Variants in NBR1 observed in about 807,000 individuals in gnomAD.
The protein encoded by NBR1 is NBR1 autophagy cargo receptor, also known as next to BRCA1 gene 1 protein.
NBR1 carries 59 observed loss-of-function variants against 115.5 expected under a neutral mutation model. That is an observed-to-expected ratio of 0.51 (90% CI 0.41 to 0.63). The LOEUF (loss-of-function observed/expected upper bound fraction) is 0.63, where lower values mean the gene tolerates loss of function less well. Ranked by LOEUF, NBR1 falls within the 30% of genes least tolerant of loss-of-function variation. NBR1 has a pLI of 0.00. For missense variants in NBR1, 1,043 were observed against 1,150.5 expected, an observed-to-expected ratio of 0.91 and a Z score of 1.35; for synonymous variants, 373 against 414.7, an observed-to-expected ratio of 0.90 and a Z score of 1.22.
At position 43,191,479 on chromosome 17, in the gene NBR1, A is replaced by C; in HGVS notation, c.971A>C (p.Lys324Thr). 1 of 1,613,302 alleles carries C rather than the reference A, an allele frequency of 6.2e-7. No homozygotes were observed. Among genetic ancestry groups the C allele is most frequent in the Non-Finnish European group, 8.5e-7 (1 of 1,179,584 alleles). Reference sequence around the variant, plus strand: ...GTCAAGGAACTTAAAAAGCAGCTTAAACTCCATAGGAAAATTCACCTGTGG... The same window carrying C: ...GTCAAGGAACTTAAAAAGCAGCTTACACTCCATAGGAAAATTCACCTGTGG... ...AEVKELKKQL[K>T]LHRKIHLWNS... Residue 324 changes from lysine (K) to threonine (T), a missense_variant, in exon 10 of 21, where the codon AAA (lysine) becomes ACA (threonine). Transcript: ENST00000590996.
chr17:43,182,662 AT>A (rs1224772836), intron 5 of NBR1, among the ~76,000 whole-genome samples: 1 of 151,836 alleles, frequency 6.6e-6, no homozygotes, highest in Non-Finnish European at 1.5e-5. Flanking sequence ...AAAAATGTGT[AT>A]AAAATGTGAT....
At chr17:43,173,003 T>C (rs34365396) in intron 1 of NBR1, among the ~76,000 whole-genome samples, 46,172 of 151,756 alleles carry the variant, frequency 0.3, 7,608 homozygotes, top group South Asian at 0.49. Context: ...ATTTTTTGTA[T>C]TTTTAGTAGA....
chr17:43,181,453 C>T (rs979669635), intron 5 of NBR1, among the ~76,000 whole-genome samples: 2 of 151,830 alleles, frequency 1.3e-5, no homozygotes, highest in South Asian at 2.1e-4. Flanking sequence ...GGGTGGATCA[C>T]GAGGTCAGGA....
Position 43,189,594 on chromosome 17 carries a change from G to A in NBR1, c.487G>A (p.Glu163Lys). The A allele has an allele frequency of 6.2e-7, 1 of 1,613,392 alleles. No homozygotes were observed. The highest frequency in any genetic ancestry group is 8.5e-7 in the Non-Finnish European group (1 of 1,179,454). Residue 163 changes from glutamate to lysine, a missense_variant, in exon 8 of 21, where the codon GAA becomes AAA. Glu to Lys is a moderately conservative substitution (Grantham distance 56). Coordinates refer to ENST00000590996, the MANE Select transcript of NBR1 (RefSeq NM_005899.5). ...CTTCTGCTCCATATTCTAGTTCAGA[G>A]AACAAGTGGTTAACGAAACGGTTGA... The part of the protein sequence containing the change: ...WFTSYLETFR[E>K]QVVNETVEKL...
At chr17:43,204,943 TC>T (rs2057285262) in intron 20 of NBR1, among the ~76,000 whole-genome samples, 1 of 151,762 alleles carries the variant, frequency 6.6e-6, no homozygotes, top group South Asian at 2.1e-4. Context: ...GCCACTGCAC[TC>T]CAGCTTGGGT....
intron 17 of NBR1, among the ~76,000 whole-genome samples, chr17:43,200,946 G>A (rs1430659743): frequency 7.6e-5 from 11 of 145,050 alleles, no homozygotes; most frequent in Non-Finnish European, 1.6e-4. Context: ...TTGGCTCACT[G>A]CCACCTCTGC....
chr17:43,186,771 T>C (rs1028351723), intron 6 of NBR1, among the ~76,000 whole-genome samples: 3 of 152,100 alleles, frequency 2.0e-5, no homozygotes, highest in African/African-American at 7.2e-5. Context: ...CATGCTGTGT[T>C]TGGTTTTCTG....
intron 16 of NBR1, 104 bp from the exon 17 acceptor site, chr17:43,200,063 C>A: frequency 1.1e-6 from 1 of 934,504 alleles, no homozygotes; most frequent in Non-Finnish European, 1.6e-6. Flanking sequence ...TCTCCTCTGG[C>A]TTTCATAATT....
chr17:43,206,316 C>G (rs193174071), intron 20 of NBR1, among the ~76,000 whole-genome samples: 233 of 152,186 alleles, frequency 1.5e-3, no homozygotes, highest in Admixed American at 8.8e-3. Context: ...ATGATGAGAT[C>G]TGTTTTTAGT....
At chr17:43,181,054 T>C (rs544676856) in intron 5 of NBR1, among the ~76,000 whole-genome samples, 2 of 152,234 alleles carry the variant, frequency 1.3e-5, no homozygotes, top group South Asian at 4.1e-4. Flanking sequence ...TATATTTTTC[T>C]TAGAGACAGG....
intron 20 of NBR1, chr17:43,209,636 G>A (rs1484775275): frequency 6.5e-7 from 1 of 1,535,408 alleles, no homozygotes; most frequent in Non-Finnish European, 8.7e-7. Flanking sequence ...GCATTCTCCT[G>A]GTTCTAAGTA....
chr17:43,194,938 C>T, intron 13 of NBR1, 26 bp from the exon 14 acceptor site: 1 of 1,597,116 alleles, frequency 6.3e-7, no homozygotes, highest in East Asian at 2.2e-5. Flanking sequence ...GCACTCCAAA[C>T]AGCCTAACAT....
intron 20 of NBR1, among the ~76,000 whole-genome samples, chr17:43,204,128 C>T (rs769991390): frequency 5.3e-5 from 8 of 151,806 alleles, no homozygotes; most frequent in African/African-American, 4.8e-5. Context: ...TTAGTAGAGA[C>T]GATGTTTCAC....
At chr17:43,204,050 G>A (rs1273470639) in intron 20 of NBR1, among the ~76,000 whole-genome samples, 1 of 151,176 alleles carries the variant, frequency 6.6e-6, no homozygotes, top group African/African-American at 2.4e-5. Flanking sequence ...CCATTCTCCT[G>A]ACTCAGCCTC....
intron 20 of NBR1, among the ~76,000 whole-genome samples, chr17:43,207,700 A>G (rs536852196): frequency 3.9e-5 from 6 of 152,296 alleles, no homozygotes; most frequent in African/African-American, 1.4e-4. Flanking sequence ...ACAATACCCA[A>G]TACAATGTAA....
intron 2 of NBR1, 85 bp from the exon 3 acceptor site, chr17:43,177,851 G>C (rs1321141861): frequency 8.3e-7 from 1 of 1,204,578 alleles, no homozygotes; most frequent in East Asian, 2.8e-5. Flanking sequence ...GTTGTTTGTT[G>C]TTTGTCTTTT....
At chr17:43,189,269 G>A (rs756485564) in intron 7 of NBR1, 150 bp downstream of exon 7, 20 of 661,930 alleles carry the variant, frequency 3.0e-5, no homozygotes, top group Non-Finnish European at 4.9e-5. Flanking sequence ...AGTTCCAGTC[G>A]AGAAAGCTCT....
Position 43,201,737 on chromosome 17 carries a change from T to TA in NBR1, c.2521dup (p.Thr841AsnfsTer10). 1 of 1,609,640 alleles carries TA rather than the reference T, an allele frequency of 6.2e-7. No homozygotes were observed. Among genetic ancestry groups the TA allele is most frequent in the Non-Finnish European group, 8.5e-7 (1 of 1,175,870 alleles). On this transcript the variant is annotated frameshift_variant, in exon 18 of 21. Transcript: ENST00000590996. LOFTEE classifies it high-confidence loss of function. ...GTTCCCCAGGAGTGGATTTACCAGT[T>TA]ACCATACCAGAAGTTTCTTCAGTCC...
chr17:43,206,661 A>G (rs1383128276), intron 20 of NBR1, among the ~76,000 whole-genome samples: 1 of 151,470 alleles, frequency 6.6e-6, no homozygotes, highest in Non-Finnish European at 1.5e-5. Context: ...TCTCAAAAAA[A>G]AAAAAAGGAA....
Sources: gnomAD v4.1 joint callset for allele counts (sites outside exome capture counted in the v4.1 genomes callset) on GRCh38, gnomAD v4.1.1 for gene constraint, MANE v1.5 for transcripts, NCBI Gene and HGNC (gene_info 2026-07-23, HGNC 2026-07-21) for gene names.